Variants in CACNA2D3 observed in about 807,000 individuals in gnomAD.
CACNA2D3 encodes the protein voltage-dependent calcium channel subunit alpha-2/delta-3.
CACNA2D3 carries 60 observed loss-of-function variants against 160.6 expected under a neutral mutation model. The ratio of observed to expected loss-of-function variants is 0.37; its 90% confidence interval spans 0.30 to 0.46. The LOEUF (loss-of-function observed/expected upper bound fraction) is 0.46, where lower values mean the gene tolerates loss of function less well. Among genes scored for constraint, CACNA2D3 ranks in the 20% least tolerant of loss-of-function variants. The pLI is 1.00. For synonymous variants in CACNA2D3, 558 were observed against 492.9 expected (o/e 1.13, Z -1.75); for missense variants, 1,205 against 1,365.0 (o/e 0.88, Z 1.85).
At chr3:54,442,949 A>ATGG (rs1559482309) in intron 4 of CACNA2D3, among the ~76,000 whole-genome samples, 2 of 152,146 alleles carry the variant, frequency 1.3e-5, no homozygotes, top group Non-Finnish European at 2.9e-5. Flanking sequence ...ATTCCACCAT[A>ATGG]TAGTAGCCTC....
intron 4 of CACNA2D3, among the ~76,000 whole-genome samples, chr3:54,468,438 G>C (rs1275691263): frequency 6.6e-6 from 1 of 152,204 alleles, no homozygotes; most frequent in Middle Eastern, 3.2e-3. Flanking sequence ...GCGACCTGCA[G>C]ACCAGGAGAT....
At chr3:54,793,426 G>C (rs780935382) in intron 13 of CACNA2D3, among the ~76,000 whole-genome samples, 6 of 152,188 alleles carry the variant, frequency 3.9e-5, no homozygotes, top group Non-Finnish European at 5.9e-5. Flanking sequence ...AGCTACTTAA[G>C]CTTTTCAAAT....
intron 27 of CACNA2D3, chr3:54,924,704 C>T (rs750226567): frequency 1.2e-6 from 2 of 1,614,108 alleles, no homozygotes; most frequent in Middle Eastern, 1.6e-4. Context: ...GAAGTAAAAG[C>T]CTCACACTGG....
At chr3:54,462,323 G>T (rs528268260) in intron 4 of CACNA2D3, among the ~76,000 whole-genome samples, 24 of 152,274 alleles carry the variant, frequency 1.6e-4, no homozygotes, top group African/African-American at 5.3e-4. Context: ...TTCAATTCCT[G>T]TGTATCCTTG....
chr3:54,640,634 C>G (rs542727456), intron 10 of CACNA2D3, among the ~76,000 whole-genome samples: 2 of 152,144 alleles, frequency 1.3e-5, no homozygotes, highest in Non-Finnish European at 2.9e-5. Flanking sequence ...CTTCAGCATG[C>G]CATACATGCT....
At chr3:54,879,178 C>A (rs1160773450) in intron 19 of CACNA2D3, 89 bp downstream of exon 19, 9 of 947,798 alleles carry the variant, frequency 9.5e-6, no homozygotes, top group South Asian at 1.7e-5. Flanking sequence ...GAATAAATAT[C>A]TTTCGCTGAG....
intron 13 of CACNA2D3, among the ~76,000 whole-genome samples, chr3:54,811,996 T>C (rs1212038751): frequency 6.6e-6 from 1 of 152,216 alleles, no homozygotes; most frequent in African/African-American, 2.4e-5. Context: ...AAATGGTGGA[T>C]AGCATGTCAC....
chr3:54,367,357 T>G (rs138430748), intron 3 of CACNA2D3, among the ~76,000 whole-genome samples: 1 of 152,294 alleles, frequency 6.6e-6, no homozygotes, highest in East Asian at 1.9e-4. Flanking sequence ...AGTATAGGGA[T>G]CCTCTGGCCA....
At position 55,061,047 on chromosome 3, in the gene CACNA2D3, A is replaced by G. The variant is rs538727541; in HGVS notation, c.2988-12398A>G. Reference sequence around the variant, plus strand: ...CTCAATAAATCCTTGTGGGCTGAGGATGAGTGGAAGTCATTATCATGGCTC... The same window carrying G: ...CTCAATAAATCCTTGTGGGCTGAGGGTGAGTGGAAGTCATTATCATGGCTC... On this transcript the variant is annotated intron_variant, in intron 35 of 37. Transcript: ENST00000474759. Among the ~76,000 whole-genome samples the G allele has an allele frequency of 3.7e-4, 56 of 152,168 alleles. 1 individual carries two copies. Among genetic ancestry groups the G allele is most frequent in the Non-Finnish European group, 7.1e-4 (48 of 68,034 alleles).
intron 24 of CACNA2D3, among the ~76,000 whole-genome samples, chr3:54,888,702 A>G (rs1014831865): frequency 2.7e-5 from 4 of 146,896 alleles, no homozygotes; most frequent in Non-Finnish European, 5.9e-5. Flanking sequence ...TCATTCCCTC[A>G]TTGTATCTTC....
intron 27 of CACNA2D3, among the ~76,000 whole-genome samples, chr3:54,949,442 A>G (rs1207724371): frequency 1.3e-5 from 2 of 152,212 alleles, no homozygotes; most frequent in Non-Finnish European, 2.9e-5. Flanking sequence ...TGAGCCATCT[A>G]TGAATCACAT....
chr3:54,622,846 C>T (rs1699019100), intron 9 of CACNA2D3, among the ~76,000 whole-genome samples: 1 of 152,066 alleles, frequency 6.6e-6, no homozygotes, highest in African/African-American at 2.4e-5. Flanking sequence ...TGCCATGGGT[C>T]GTCAAAGCAC....
At chr3:54,424,204 A>G (rs1050811042) in intron 4 of CACNA2D3, among the ~76,000 whole-genome samples, 6 of 152,164 alleles carry the variant, frequency 3.9e-5, no homozygotes, top group African/African-American at 1.4e-4. Flanking sequence ...GGGCCTATAG[A>G]TTATGTAACC....
At chr3:54,605,653 T>C (rs1698592210) in intron 9 of CACNA2D3, among the ~76,000 whole-genome samples, 1 of 152,196 alleles carries the variant, frequency 6.6e-6, no homozygotes. Context: ...TCCCCATTAT[T>C]GCCCCCACCC....
At chr3:54,745,820 T>C (rs1291579753) in intron 11 of CACNA2D3, among the ~76,000 whole-genome samples, 2 of 152,130 alleles carry the variant, frequency 1.3e-5, no homozygotes, top group African/African-American at 4.8e-5. Context: ...GAATTGGAAT[T>C]TTTTTTTCAA....
At chr3:54,141,985 A>G (rs1559860508) in intron 2 of CACNA2D3, among the ~76,000 whole-genome samples, 1 of 152,216 alleles carries the variant, frequency 6.6e-6, no homozygotes, top group Non-Finnish European at 1.5e-5. Context: ...AATTAGACTA[A>G]TGCATGCAAG....
At chr3:54,197,108 T>A (rs909334027) in intron 2 of CACNA2D3, among the ~76,000 whole-genome samples, 3 of 152,176 alleles carry the variant, frequency 2.0e-5, no homozygotes, top group Non-Finnish European at 2.9e-5. Context: ...CTGTTTGTTG[T>A]CCAGGTTGGT....
chr3:54,561,452 T>G (rs1559513070), intron 5 of CACNA2D3, among the ~76,000 whole-genome samples: 1 of 152,182 alleles, frequency 6.6e-6, no homozygotes, highest in Non-Finnish European at 1.5e-5. Flanking sequence ...GCTGAAATCG[T>G]TTATGAGCTT....
rs146631053 is a variant in CACNA2D3, at chr3:55,011,450, A to G, written c.2875+2007A>G. 6.9e-3 allele frequency among the ~76,000 whole-genome samples: 1,050 copies of G among 152,358 alleles called. 6 individuals carry two copies. The highest frequency in any genetic ancestry group is 9.9e-3 in the Non-Finnish European group (671 of 68,044). Reference sequence around the variant, plus strand: ...GGATGATCATCACCAGGGAATTTATAATCGCAAATACTGGTAACTCTTTAA... The same window carrying G: ...GGATGATCATCACCAGGGAATTTATGATCGCAAATACTGGTAACTCTTTAA... On this transcript the variant is annotated intron_variant, in intron 34 of 37. Coordinates refer to ENST00000474759, the MANE Select transcript of CACNA2D3 (RefSeq NM_018398.3).
Sources: gnomAD v4.1 joint callset for allele counts (sites outside exome capture counted in the v4.1 genomes callset) on GRCh38, gnomAD v4.1.1 for gene constraint, MANE v1.5 for transcripts, NCBI Gene and HGNC (gene_info 2026-07-23, HGNC 2026-07-21) for gene names.